Variants in PDE11A observed in about 807,000 individuals in gnomAD.
PDE11A encodes the protein dual 3',5'-cyclic-AMP and -GMP phosphodiesterase 11A.
PDE11A carries 100 observed loss-of-function variants against 100.5 expected under a neutral mutation model. That is an observed-to-expected ratio of 1.00 (90% confidence interval 0.85 to 1.18). The LOEUF (loss-of-function observed/expected upper bound fraction) is 1.18, where lower values mean the gene tolerates loss of function less well. PDE11A is among the 50% of genes most tolerant of loss of function. The probability of loss-of-function intolerance (pLI) is 0.00; values close to 1 mark genes in which losing one functional copy is unlikely to be tolerated. For missense variants in PDE11A, 1,141 were observed against 1,152.6 expected (o/e 0.99, Z 0.15); for synonymous variants, 381 against 420.8 (o/e 0.91, Z 1.16).
chr2:177,706,310 A>G (rs2081278790), intron 13 of PDE11A, among the ~76,000 whole-genome samples: 1 of 152,334 alleles, frequency 6.6e-6, no homozygotes, highest in South Asian at 2.1e-4. Flanking sequence ...TAATTGGTGC[A>G]TTTAAATCCC....
intron 16 of PDE11A, among the ~76,000 whole-genome samples, chr2:177,676,525 G>A (rs147376921): frequency 1.1e-4 from 16 of 152,172 alleles, no homozygotes; most frequent in African/African-American, 3.6e-4. Context: ...ATGCTTAGAT[G>A]GCAGGGGGGT....
At chr2:178,042,301 G>A (rs1055793749) in intron 1 of PDE11A, among the ~76,000 whole-genome samples, 2 of 152,032 alleles carry the variant, frequency 1.3e-5, no homozygotes, top group Non-Finnish European at 2.9e-5. Flanking sequence ...TCAACACATT[G>A]AGACTCCGCC....
At chr2:178,052,611 T>C (rs978368422) in intron 1 of PDE11A, among the ~76,000 whole-genome samples, 139 of 151,864 alleles carry the variant, frequency 9.2e-4, no homozygotes, top group African/African-American at 3.1e-3. Flanking sequence ...ATTGATAGAC[T>C]GCTAGCAAGA....
chr2:177,927,086 A>G (rs1277811286), intron 2 of PDE11A: 2 of 152,174 alleles, frequency 1.3e-5, no homozygotes, highest in Non-Finnish European at 2.9e-5. Flanking sequence ...ACTCCAACAT[A>G]TATTCCACTC....
chr2:177,893,463 T>G (rs527627385), intron 4 of PDE11A, among the ~76,000 whole-genome samples: 1 of 152,136 alleles, frequency 6.6e-6, no homozygotes, highest in African/African-American at 2.4e-5. Context: ...AAAGCCCGTT[T>G]TGGAACCTAA....
chr2:177,747,543 G>A (rs2081966576), intron 10 of PDE11A, among the ~76,000 whole-genome samples: 1 of 152,196 alleles, frequency 6.6e-6, no homozygotes, highest in South Asian at 2.1e-4. Context: ...AGGTAAAGAA[G>A]TCAATTCTGG....
chr2:177,949,502 C>T (rs2085481743), intron 2 of PDE11A, among the ~76,000 whole-genome samples: 1 of 152,116 alleles, frequency 6.6e-6, no homozygotes, highest in African/African-American at 2.4e-5. Flanking sequence ...ATTAACCAGA[C>T]CTGTTGAGCC....
At chr2:177,987,941 T>C (rs2105807741) in intron 2 of PDE11A, among the ~76,000 whole-genome samples, 1 of 152,336 alleles carries the variant, frequency 6.6e-6, no homozygotes, top group East Asian at 1.9e-4. Flanking sequence ...TGACCAGCTA[T>C]GTAAAATTAA....
intron 12 of PDE11A, among the ~76,000 whole-genome samples, chr2:177,714,081 C>T (rs111504464): frequency 0.14 from 20,142 of 146,482 alleles, 1,396 homozygotes; most frequent in Non-Finnish European, 0.15. Context: ...GCAAGCTCCG[C>T]TTCCCAGGTT....
chr2:177,806,533 A>G (rs1270804871), intron 9 of PDE11A, among the ~76,000 whole-genome samples: 1 of 152,166 alleles, frequency 6.6e-6, no homozygotes, highest in African/African-American at 2.4e-5. Flanking sequence ...GAACAAAACA[A>G]AAGATTTTAT....
At chr2:177,810,629 T>C (rs555530896) in intron 9 of PDE11A, among the ~76,000 whole-genome samples, 128 of 150,986 alleles carry the variant, frequency 8.5e-4, no homozygotes, top group African/African-American at 2.8e-3. Context: ...GTAAGTAGCA[T>C]ATAATACTCT....
chr2:177,936,922 TA>T (rs527277443), intron 2 of PDE11A, among the ~76,000 whole-genome samples: 139 of 146,684 alleles, frequency 9.5e-4, no homozygotes, highest in South Asian at 1.3e-3. Flanking sequence ...GATTCCATCT[TA>T]AAAAAAAAAA....
At chr2:177,735,487 A>C (rs2081766641) in intron 10 of PDE11A, among the ~76,000 whole-genome samples, 1 of 152,148 alleles carries the variant, frequency 6.6e-6, no homozygotes, top group Admixed American at 6.5e-5. Context: ...AGCACAATGG[A>C]GGAGGATCAT....
chr2:177,993,190 A>C (rs529340218), intron 2 of PDE11A, among the ~76,000 whole-genome samples: 2 of 152,316 alleles, frequency 1.3e-5, no homozygotes, highest in East Asian at 3.9e-4. Context: ...AGGCAGCCAA[A>C]CATCTGCGTG....
At chr2:177,777,995 C>A (rs1443589749) in intron 9 of PDE11A, among the ~76,000 whole-genome samples, 2 of 152,192 alleles carry the variant, frequency 1.3e-5, no homozygotes, top group Non-Finnish European at 2.9e-5. Context: ...TCACTATTTG[C>A]AAAACCATAC....
intron 4 of PDE11A, among the ~76,000 whole-genome samples, chr2:177,882,550 T>C (rs1245212956): frequency 1.3e-5 from 2 of 152,188 alleles, no homozygotes; most frequent in Admixed American, 1.3e-4. Context: ...ATGGATTAAA[T>C]AAATTAATAT....
chr2:177,801,723 G>A (rs912767104), intron 9 of PDE11A, among the ~76,000 whole-genome samples: 1 of 151,936 alleles, frequency 6.6e-6, no homozygotes, highest in Non-Finnish European at 1.5e-5. Flanking sequence ...GAATCATAGA[G>A]CAAAATGTAA....
At chr2:177,967,512 T>G (rs1167129984) in intron 2 of PDE11A, among the ~76,000 whole-genome samples, 3 of 152,110 alleles carry the variant, frequency 2.0e-5, no homozygotes, top group Non-Finnish European at 4.4e-5. Context: ...TTTGTCACTT[T>G]TGATTGTGTT....
At position 177,663,885 on chromosome 2, in the gene PDE11A, A is replaced by T. The variant is rs1346951139; in HGVS notation, c.2627T>A (p.Ile876Asn). The T allele has an allele frequency of 6.2e-7, 1 of 1,600,640 alleles. No individual in the cohort carries two copies. Among genetic ancestry groups the T allele is most frequent in the East Asian group, 2.2e-5 (1 of 44,832 alleles). ...AAGTACCTGATACAAAGGCATGCAG[A>T]TGCTATCAATCCACTCCAGTTGCAA... ...PRLQLEWIDS[I>N]CMPLYQALVK... is the part of the protein sequence containing the mutation. Residue 876 changes from isoleucine to asparagine, a missense_variant, in exon 19 of 20, where the codon ATC (isoleucine) becomes AAC (asparagine). Ile to Asn is a moderately radical substitution (Grantham distance 149). Transcript: ENST00000286063.
Sources: gnomAD v4.1 joint callset for allele counts (sites outside exome capture counted in the v4.1 genomes callset) on GRCh38, gnomAD v4.1.1 for gene constraint, MANE v1.5 for transcripts, NCBI Gene and HGNC (gene_info 2026-07-23, HGNC 2026-07-21) for gene names.